The following DHRS7 variants were observed in gnomAD, a reference collection of about 807,000 sequenced individuals.
DHRS7 encodes dehydrogenase/reductase 7, also known as dehydrogenase/reductase SDR family member 7.
DHRS7 carries 34 observed loss-of-function variants against 38.9 expected under a neutral mutation model. That is an observed-to-expected ratio of 0.87 (90% CI 0.66 to 1.16). The LOEUF is 1.16. DHRS7 is among the 50% of genes most tolerant of loss of function. The pLI, the probability that DHRS7 is intolerant of heterozygous loss-of-function variation, is 0.00. For missense variants in DHRS7, 421 were observed against 407.0 expected (o/e 1.03, Z -0.30); for synonymous variants, 158 against 153.1 (o/e 1.03, Z -0.24).
chr14:60,168,831 C>A, upstream of DHRS7: 1 of 1,467,526 alleles, frequency 6.8e-7, no homozygotes, highest in Non-Finnish European at 9.2e-7. Flanking sequence ...CATAATTTCA[C>A]TCTTCATAAA....
intron 4 of DHRS7, among the ~76,000 whole-genome samples, chr14:60,152,270 A>G (rs1211317999): frequency 6.6e-6 from 1 of 152,202 alleles, no homozygotes; most frequent in Non-Finnish European, 1.5e-5. Flanking sequence ...AGCCACCATT[A>G]AAAATTCATC....
In DHRS7 at chr14:60,145,336, A is replaced by C. The variant is rs1407783187; in HGVS notation, c.973-323T>G. On this transcript the variant is annotated intron_variant, in intron 6 of 6. Coordinates refer to ENST00000557185, the MANE Select transcript of DHRS7 (RefSeq NM_016029.4). The surrounding 1 kb of genome is among the most constrained non-coding windows in gnomAD (Gnocchi z 4.0). ...CACTGACTTGCCCTAATAAATAAAAACAATGAGTCAGATTATGTAGAATTG... is the reference window on the plus strand; with the variant it reads ...CACTGACTTGCCCTAATAAATAAAACCAATGAGTCAGATTATGTAGAATTG... 2 of 181,780 alleles carry C rather than the reference A, an allele frequency of 1.1e-5. No homozygotes were observed. Among genetic ancestry groups the C allele is most frequent in the African/African-American group, 4.7e-5 (2 of 42,430 alleles). The allele number at this position is 181,780 out of a possible 1,614,324, so 11.3% of individuals were successfully genotyped here.
intron 4 of DHRS7, 147 bp from the exon 5 acceptor site, chr14:60,150,334 T>C: frequency 2.9e-6 from 2 of 689,594 alleles, no homozygotes; most frequent in Non-Finnish European, 4.3e-6. Flanking sequence ...TTTATTATTA[T>C]ATTTTAAGTT....
Position 60,160,130 on chromosome 14 carries a change from A to T in DHRS7, c.134-3978T>A, listed in dbSNP as rs561076274. Among the ~76,000 whole-genome samples, 7 of 152,218 alleles carry T rather than the reference A, an allele frequency of 4.6e-5. No individual in the cohort carries two copies. The East Asian group carries it at 1.2e-3, about 25-fold the overall frequency. The stretch of plus-strand genomic sequence containing the variant: ...CACCTGAGATCAGGAGTTCAAGCCC[A>T]GCCTGGCCAACATGGCGAAACCCCA... On this transcript the variant is annotated intron_variant, in intron 1 of 6. Coordinates refer to ENST00000557185, the MANE Select transcript of DHRS7 (RefSeq NM_016029.4).
chr14:60,169,256 A>G (rs556674634), upstream of DHRS7: 8 of 152,088 alleles, frequency 5.3e-5, no homozygotes, highest in African/African-American at 1.9e-4. Context: ...AAGGCCTTGT[A>G]CATACTGTTC....
At chr14:60,158,104 A>T (rs1896693447) in intron 1 of DHRS7, among the ~76,000 whole-genome samples, 1 of 151,826 alleles carries the variant, frequency 6.6e-6, no homozygotes, top group Non-Finnish European at 1.5e-5. Context: ...GTGGTGGCGC[A>T]TCGTTGTAAC....
In DHRS7 at chr14:60,148,168, CT is replaced by C. The variant is rs1896454257; in HGVS notation, c.972+1184del. On this transcript the variant is annotated intron_variant, in intron 6 of 6. Transcript: ENST00000557185. This position sits in a 1 kb window ranked among gnomAD's most constrained non-coding sequence, Gnocchi z 4.8. ...TGTTGTGTTTGTAACTTTTTACCCC[CT>C]AATTCATTTTCACTGTCCTGCAAAG... The C allele has an allele frequency of 2.0e-5, 3 of 152,174 alleles. No homozygotes were observed. Among genetic ancestry groups the C allele is most frequent in the African/African-American group, 7.2e-5 (3 of 41,440 alleles). The allele number at this position is 152,174 out of a possible 1,614,324, so 9.4% of individuals were successfully genotyped here.
chr14:60,152,811 A>G (rs1896572421), intron 4 of DHRS7, 128 bp downstream of exon 4: 2 of 1,061,318 alleles, frequency 1.9e-6, no homozygotes, highest in Middle Eastern at 2.3e-4. Flanking sequence ...TCCTCTACCA[A>G]AAGTCTCCTT....
upstream of DHRS7, chr14:60,168,749 G>A (rs1896897076): frequency 1.3e-6 from 2 of 1,554,384 alleles, no homozygotes; most frequent in Non-Finnish European, 1.7e-6. Flanking sequence ...TCAGATTTAA[G>A]AAAAACAAAA....
Position 60,153,906 on chromosome 14 carries a change from C to G in DHRS7, c.393+53G>C, listed in dbSNP as rs552374226. The G allele has an allele frequency of 4.5e-4, 681 of 1,515,304 alleles. 19 individuals are homozygous for G. The South Asian group carries it at 7.4e-3, about 16-fold the overall frequency. 93.9% of individuals were successfully genotyped at this position (1,515,304 alleles called of 1,614,324 possible). ...GTATGACAGCACCACGGATGGGAAT[C>G]TCTTCTGCAGTTACTTCAAAGCAAG... is the stretch of plus-strand genomic sequence containing the variant. On this transcript the variant is annotated intron_variant, in intron 3 of 6. Transcript: ENST00000557185. The surrounding 1 kb of genome is among the most constrained non-coding windows in gnomAD (Gnocchi z 4.4).
rs192824411 is a variant in DHRS7 at position 60,161,228 on chromosome 14, T to C, written c.133+3949A>G. On this transcript the variant is annotated intron_variant, in intron 1 of 6. Coordinates refer to ENST00000557185, the MANE Select transcript of DHRS7 (RefSeq NM_016029.4). This position sits in a 1 kb window ranked among gnomAD's most constrained non-coding sequence, Gnocchi z 4.2. ...TAAAATGTTATAATAGGAAAAGGGA[T>C]CCACTAATATAGCTTATGGTTATTA... Among the ~76,000 whole-genome samples, 2 of 152,286 alleles carry C rather than the reference T, an allele frequency of 1.3e-5. No homozygotes were observed. The highest frequency in any genetic ancestry group is 3.9e-4 in the East Asian group (2 of 5,180).
chr14:60,165,185 C>G lies in DHRS7; in HGVS notation c.125G>C (p.Arg42Pro). Residue 42 changes from arginine to proline, a missense_variant, in exon 1 of 7, where the codon CGA becomes CCA. Transcript: ENST00000557185. This position sits in a 1 kb window ranked among gnomAD's most constrained non-coding sequence, Gnocchi z 4.6. ...LTLLWAEWQG[R>P]RPEWELTDMV... The stretch of plus-strand genomic sequence containing the variant: ...CTTTGGCCGGTCCTCACCTGGGCGT[C>G]GTCCCTGCCACTCGGCCCATAGTAG... The G allele has an allele frequency of 6.2e-7, 1 of 1,611,806 alleles. No homozygotes were observed. The highest frequency in any genetic ancestry group is 8.5e-7 in the Non-Finnish European group (1 of 1,179,602).
intron 4 of DHRS7, among the ~76,000 whole-genome samples, chr14:60,150,761 G>A (rs1299503862): frequency 6.6e-6 from 1 of 152,160 alleles, no homozygotes; most frequent in Non-Finnish European, 1.5e-5. Context: ...ATTGTGAATA[G>A]TGTATAAGGC....
At chr14:60,149,925 T>C (rs2140591553) in intron 5 of DHRS7, 140 bp downstream of exon 5, 1 of 845,832 alleles carries the variant, frequency 1.2e-6, no homozygotes, top group South Asian at 2.2e-5. Context: ...ACAATTTTCA[T>C]AATGGCAGGA....
chr14:60,163,591 A>G (rs771609529), intron 1 of DHRS7, among the ~76,000 whole-genome samples: 35 of 152,224 alleles, frequency 2.3e-4, no homozygotes, highest in Non-Finnish European at 2.6e-4. Context: ...TTCTTTTCCG[A>G]CAAAACACAA....
chr14:60,157,364 C>T (rs1401770481), intron 1 of DHRS7, among the ~76,000 whole-genome samples: 1 of 152,182 alleles, frequency 6.6e-6, no homozygotes, highest in Non-Finnish European at 1.5e-5. Context: ...CTAGTACATA[C>T]TCAGTGTTTA....
upstream of DHRS7, among the ~76,000 whole-genome samples, chr14:60,165,857 C>G (rs1896860734): frequency 6.6e-6 from 1 of 152,150 alleles, no homozygotes; most frequent in Non-Finnish European, 1.5e-5. This position sits in a 1 kb window ranked among gnomAD's most constrained non-coding sequence, Gnocchi z 4.6. Flanking sequence ...CTCAAGACCC[C>G]ACAAGCCAAG....
intron 5 of DHRS7, 82 bp from the exon 6 acceptor site, chr14:60,149,650 G>A (rs895016552): frequency 3.5e-5 from 38 of 1,086,906 alleles, no homozygotes; most frequent in Non-Finnish European, 4.5e-5. Context: ...ATGCCGTCTA[G>A]TTGAGTGGTT....
chr14:60,168,886 A>C, upstream of DHRS7: 1 of 1,094,716 alleles, frequency 9.1e-7, no homozygotes, highest in Non-Finnish European at 1.2e-6. Context: ...TAGAACACTT[A>C]GGCATTGAAA....
Sources: gnomAD v4.1 joint callset for allele counts (sites outside exome capture counted in the v4.1 genomes callset) on GRCh38, gnomAD v4.1.1 for gene constraint, Gnocchi (gnomAD v3.1) non-coding constraint, MANE v1.5 for transcripts, NCBI Gene and HGNC (gene_info 2026-07-23, HGNC 2026-07-21) for gene names.